MRPS18A: variants seen among roughly 807,000 people sequenced by gnomAD.
MRPS18A encodes mitochondrial ribosomal protein S18A.
In MRPS18A, 20 loss-of-function variants were observed where a neutral mutation model predicts 22.7. The observed-to-expected ratio is 0.88, with a 90% CI of 0.62 to 1.28. MRPS18A has a LOEUF of 1.28. Ranked by LOEUF, MRPS18A falls within the 50% of genes most tolerant of loss-of-function variation. The pLI is 0.00. For missense variants in MRPS18A, 294 were observed against 262.6 expected, an observed-to-expected ratio of 1.12 and a Z score of -0.83; for synonymous variants, 106 against 99.1, an observed-to-expected ratio of 1.07 and a Z score of -0.41.
intron 1 of MRPS18A, among the ~76,000 whole-genome samples, chr6:43,683,513 G>A (rs572893401): frequency 2.2e-4 from 34 of 152,332 alleles, no homozygotes; most frequent in Middle Eastern, 3.4e-3. Context: ...GTTCCTGGCT[G>A]CCTCCCTATT....
chr6:43,672,835 C>G (rs1773816045), intron 5 of MRPS18A, among the ~76,000 whole-genome samples: 2 of 152,306 alleles, frequency 1.3e-5, no homozygotes, highest in South Asian at 4.1e-4. Flanking sequence ...TCTTCTGCTG[C>G]CAGCCCTGTG....
intron 2 of MRPS18A, among the ~76,000 whole-genome samples, chr6:43,680,792 T>G (rs1205745896): frequency 2.0e-5 from 3 of 152,178 alleles, no homozygotes; most frequent in South Asian, 2.1e-4. Flanking sequence ...GTTTCCCCTT[T>G]GGGAAAATGA....
chr6:43,677,820 C>A (rs767563763), intron 3 of MRPS18A, among the ~76,000 whole-genome samples: 4 of 152,118 alleles, frequency 2.6e-5, no homozygotes, highest in Admixed American at 1.3e-4. Context: ...ACTCAGTGCC[C>A]GACAGAGTAT....
At position 43,682,072 on chromosome 6, in the gene MRPS18A, C is replaced by T. The variant is rs190645913; in HGVS notation, c.113-952G>A. ...ATCCCAGCACTTTGGGAGGCTGAGG[C>T]GGGAAGAAATACTTGAGCTCAGGAG... On this transcript the variant is annotated intron_variant, in intron 1 of 5. Coordinates refer to ENST00000372133, the MANE Select transcript of MRPS18A (RefSeq NM_018135.4). 5.6e-4 allele frequency among the ~76,000 whole-genome samples: 85 copies of T among 152,254 alleles called. 1 individual carries two copies. The highest frequency in any genetic ancestry group is 9.8e-4 in the Admixed American group (15 of 15,288).
At chr6:43,681,146 A>AG in intron 1 of MRPS18A, 26 bp from the exon 2 acceptor site, 1 of 1,608,526 alleles carries the variant, frequency 6.2e-7, no homozygotes, top group Non-Finnish European at 8.5e-7. Flanking sequence ...GGGAAACATT[A>AG]GGTCAGCCAT....
intron 3 of MRPS18A, among the ~76,000 whole-genome samples, chr6:43,676,672 C>T (rs1029985944): frequency 1.3e-5 from 2 of 152,228 alleles, no homozygotes; most frequent in South Asian, 2.1e-4. Flanking sequence ...CAAGACCCCG[C>T]TGTCATAGAA....
chr6:43,673,113 G>C lies in MRPS18A; in HGVS notation c.447-1207C>G, dbSNP rs942840474. On this transcript the variant is annotated intron_variant, in intron 5 of 5. Coordinates refer to ENST00000372133, the MANE Select transcript of MRPS18A (RefSeq NM_018135.4). The surrounding 1 kb of genome is among the most constrained non-coding windows in gnomAD (Gnocchi z 4.2). ...AGCAATTCTCCTGCCTCAGCCTCTG[G>C]AGTAGCTTGGATTACAGGCACCCGC... is the stretch of plus-strand genomic sequence containing the variant. Among the ~76,000 whole-genome samples, 1 of 151,546 alleles carries C rather than the reference G, an allele frequency of 6.6e-6. No individual in the cohort carries two copies. The highest frequency in any genetic ancestry group is 6.6e-5 in the Admixed American group (1 of 15,212).
chr6:43,680,178 T>C (rs545561149), intron 2 of MRPS18A, among the ~76,000 whole-genome samples: 6 of 151,980 alleles, frequency 3.9e-5, no homozygotes, highest in East Asian at 1.9e-4. Context: ...CAGCATGGAG[T>C]TGATAGAGTG....
intron 1 of MRPS18A, among the ~76,000 whole-genome samples, chr6:43,686,713 A>G (rs1332148028): frequency 6.6e-6 from 1 of 152,202 alleles, no homozygotes; most frequent in African/African-American, 2.4e-5. Context: ...ATGCTGCCCA[A>G]TACTATGCCA....
chr6:43,684,954 T>C (rs562224270), intron 1 of MRPS18A, among the ~76,000 whole-genome samples: 13 of 152,318 alleles, frequency 8.5e-5, no homozygotes, highest in African/African-American at 2.9e-4. Flanking sequence ...AATCTGGCAG[T>C]GCCAACCATA....
rs115466129 is a variant in MRPS18A, at chr6:43,677,356, C to A, written c.252+1162G>T. On this transcript the variant is annotated intron_variant, in intron 3 of 5. Transcript: ENST00000372133. ...TTCCAGCCCACGAGATTAGTTGGGT[C>A]ACTCTGTTCAGATCCCATGGGCATG... 1.9e-3 allele frequency among the ~76,000 whole-genome samples: 293 copies of A among 152,280 alleles called. 1 individual carries two copies. The highest frequency in any genetic ancestry group is 6.8e-3 in the Middle Eastern group (2 of 294).
At position 43,678,608 on chromosome 6, in the gene MRPS18A, T is replaced by C. The variant is rs1274819519; in HGVS notation, c.162A>G (p.Thr54=). The change falls in exon 3 of 6, where the codon ACA becomes ACG. Residue 54 remains threonine (T), a synonymous_variant. Transcript: ENST00000372133. ...GKTTIIEGRI[T]ATPKESPNPP... The stretch of plus-strand genomic sequence containing the variant: ...GATTTGGACTCTCCTTGGGAGTCGC[T>C]GTGATACGGCCTTCAATCTAGGAGA... 6.2e-7 allele frequency: 1 copy of C among 1,613,450 alleles called. No individual in the cohort carries two copies. The highest frequency in any genetic ancestry group is 1.3e-5 in the African/African-American group (1 of 75,034).
intron 1 of MRPS18A, among the ~76,000 whole-genome samples, chr6:43,686,191 C>A (rs1774685714): frequency 6.6e-6 from 1 of 152,188 alleles, no homozygotes; most frequent in Non-Finnish European, 1.5e-5. Context: ...ATTCCTCTTG[C>A]CTTTTTTTCT....
chr6:43,687,573 A>G, intron 1 of MRPS18A, 95 bp downstream of exon 1: 1 of 1,132,836 alleles, frequency 8.8e-7, no homozygotes, highest in South Asian at 1.4e-5. Context: ...TCAGAATCGG[A>G]CGAAGGAAAG....
At chr6:43,681,014 T>A (rs1029847273) in intron 2 of MRPS18A, 75 bp downstream of exon 2, 1 of 1,474,092 alleles carries the variant, frequency 6.8e-7, no homozygotes, top group African/African-American at 1.4e-5. Flanking sequence ...TTTGGGCCCC[T>A]CCCTCCCTCA....
chr6:43,679,151 G>C (rs1479955185), intron 2 of MRPS18A, among the ~76,000 whole-genome samples: 1 of 152,188 alleles, frequency 6.6e-6, no homozygotes, highest in Admixed American at 6.5e-5. Context: ...CTCAACCAGA[G>C]GTGATTTTGC....
chr6:43,671,792 G>A lies in MRPS18A; in HGVS notation c.561C>T (p.Tyr187=), dbSNP rs1561948016. 2 of 1,614,220 alleles carry A rather than the reference G, an allele frequency of 1.2e-6. No individual in the cohort carries two copies. Among genetic ancestry groups the A allele is most frequent in the Non-Finnish European group, 8.5e-7 (1 of 1,180,030 alleles). ...GATACAGCTTCCAAGGTGTTCTTGA[G>A]TAGCAGACATTGTCCCTCAGAAGGG... ...GSPLLRDNVC[Y]SRTPWKLYH is the part of the protein sequence containing the mutation. Residue 187 remains tyrosine, a synonymous_variant, in exon 6 of 6, where the codon TAC becomes TAT. Coordinates refer to ENST00000372133, the MANE Select transcript of MRPS18A (RefSeq NM_018135.4).
chr6:43,681,170 G>C lies in MRPS18A; in HGVS notation c.113-50C>G, dbSNP rs57401960. 1.4e-4 allele frequency: 224 copies of C among 1,579,812 alleles called. 2 individuals are homozygous for C. In the African/African-American group the frequency reaches 2.7e-3, roughly 19 times the overall value. On this transcript the variant is annotated intron_variant, in intron 1 of 5. Transcript: ENST00000372133. ...TAGGTCAGCCATTTAATAAGGAACA[G>C]AGAGTTTCAAATAACAGCTCAAATT...
intron 5 of MRPS18A, among the ~76,000 whole-genome samples, chr6:43,672,933 G>A (rs1773823972): frequency 6.6e-6 from 1 of 151,386 alleles, no homozygotes; most frequent in African/African-American, 2.4e-5. Context: ...TCCTGGAATT[G>A]TCACTGCCCT....
Sources: gnomAD v4.1 joint callset for allele counts (sites outside exome capture counted in the v4.1 genomes callset) on GRCh38, gnomAD v4.1.1 for gene constraint, Gnocchi (gnomAD v3.1) non-coding constraint, MANE v1.5 for transcripts, NCBI Gene and HGNC (gene_info 2026-07-23, HGNC 2026-07-21) for gene names.